TMEM232: variants seen among roughly 807,000 people sequenced by gnomAD.
TMEM232 encodes transmembrane protein 232.
In TMEM232, 80 loss-of-function variants were observed where a neutral mutation model predicts 78.8. That is an observed-to-expected ratio of 1.01 (90% CI 0.85 to 1.22). The LOEUF is 1.22. Ranked by LOEUF, TMEM232 falls within the 50% of genes most tolerant of loss-of-function variation. TMEM232 has a pLI of 0.00. For synonymous variants in TMEM232, 297 were observed against 254.3 expected (o/e 1.17, Z -1.60); for missense variants, 881 against 742.2 (o/e 1.19, Z -2.17).
chr5:110,554,923 T>C (rs1774897894), intron 11 of TMEM232, among the ~76,000 whole-genome samples: 1 of 152,188 alleles, frequency 6.6e-6, no homozygotes, highest in African/African-American at 2.4e-5. Context: ...CTATTCCTTC[T>C]AGGTTTTCTA....
chr5:110,700,899 A>G (rs921492384), intron 1 of TMEM232, among the ~76,000 whole-genome samples: 7 of 151,922 alleles, frequency 4.6e-5, no homozygotes, highest in African/African-American at 7.2e-5. Flanking sequence ...CACCTTTCCT[A>G]AAGAGCCTTC....
intron 2 of TMEM232, among the ~76,000 whole-genome samples, chr5:110,646,902 C>T (rs1277687177): frequency 2.0e-5 from 3 of 151,274 alleles, no homozygotes; most frequent in African/African-American, 7.3e-5. Context: ...CTCAAAAGAC[C>T]ACATACAGAT....
At chr5:110,642,205 T>C (rs927747670) in intron 3 of TMEM232, 55 bp downstream of exon 3, 38 of 1,079,374 alleles carry the variant, frequency 3.5e-5, no homozygotes, top group Non-Finnish European at 4.9e-5. Context: ...TGTGTAATCA[T>C]GTACCAACTA....
intron 11 of TMEM232, among the ~76,000 whole-genome samples, chr5:110,559,045 G>A (rs2149648818): frequency 6.6e-6 from 1 of 152,206 alleles, no homozygotes; most frequent in Non-Finnish European, 1.5e-5. Context: ...CCTTCTCAAT[G>A]GTCTAGTAAC....
At chr5:110,404,863 G>A (rs1755728259) in intron 2 of TMEM232, among the ~76,000 whole-genome samples, 1 of 151,986 alleles carries the variant, frequency 6.6e-6, no homozygotes, top group Non-Finnish European at 1.5e-5. Context: ...TGATGTTGAT[G>A]AAGAGACTCG....
At chr5:110,723,570 C>T (rs1281164808) in intron 1 of TMEM232, among the ~76,000 whole-genome samples, 1 of 152,086 alleles carries the variant, frequency 6.6e-6, no homozygotes, top group East Asian at 1.9e-4. Context: ...AGACTGTTAG[C>T]TATTAGCAAA....
At chr5:110,632,726 GA>G (rs879306987) in intron 5 of TMEM232, among the ~76,000 whole-genome samples, 1 of 151,328 alleles carries the variant, frequency 6.6e-6, no homozygotes, top group African/African-American at 2.4e-5. Flanking sequence ...TAATGAAAAA[GA>G]AAAAAAACAA....
intron 1 of TMEM232, among the ~76,000 whole-genome samples, chr5:110,718,320 T>C (rs546847041): frequency 6.6e-6 from 1 of 152,150 alleles, no homozygotes; most frequent in Non-Finnish European, 1.5e-5. Flanking sequence ...CCAGGATTAT[T>C]ATGAAGTTTT....
intron 1 of TMEM232, among the ~76,000 whole-genome samples, chr5:110,677,622 C>T (rs1482210021): frequency 1.3e-5 from 2 of 152,084 alleles, no homozygotes; most frequent in African/African-American, 2.4e-5. Flanking sequence ...AAGATTCACA[C>T]ATAAGGAGTT....
chr5:110,721,581 T>C (rs576609244), intron 1 of TMEM232, among the ~76,000 whole-genome samples: 1 of 146,392 alleles, frequency 6.8e-6, no homozygotes, highest in East Asian at 2.0e-4. Flanking sequence ...ATCTAGAATT[T>C]TGAATTTCAA....
chr5:110,442,956 A>C (rs1759229274), intron 12 of TMEM232, among the ~76,000 whole-genome samples: 1 of 152,138 alleles, frequency 6.6e-6, no homozygotes, highest in Admixed American at 6.6e-5. Flanking sequence ...CTCTGTGCTA[A>C]GGCACCTGGA....
At chr5:110,729,645 A>G (rs1183452156), upstream of TMEM232, among the ~76,000 whole-genome samples, 2 of 152,254 alleles carry the variant, frequency 1.3e-5, no homozygotes, top group Non-Finnish European at 2.9e-5. Context: ...TTTTTAGCAG[A>G]TAATATCAAG....
At chr5:110,454,127 A>G (rs994059596) in intron 12 of TMEM232, among the ~76,000 whole-genome samples, 4 of 152,194 alleles carry the variant, frequency 2.6e-5, no homozygotes, top group Non-Finnish European at 5.9e-5. Flanking sequence ...AAGGATATAG[A>G]AGCCTGAATC....
At chr5:110,399,506 T>G (rs1212102476) in intron 2 of TMEM232, among the ~76,000 whole-genome samples, 5 of 152,114 alleles carry the variant, frequency 3.3e-5, no homozygotes, top group African/African-American at 1.2e-4. Flanking sequence ...ATTTCTTTTT[T>G]TAAAAGGCCT....
chr5:110,432,555 C>T (rs1757976323), intron 12 of TMEM232, among the ~76,000 whole-genome samples: 2 of 151,638 alleles, frequency 1.3e-5, no homozygotes. Flanking sequence ...ACGGTCCCTA[C>T]AAAGCAAGTA....
chr5:110,735,500 T>A (rs904894238), intron 1 of TMEM232, among the ~76,000 whole-genome samples: 8 of 152,218 alleles, frequency 5.3e-5, no homozygotes, highest in Admixed American at 5.2e-4. Context: ...TTTTGGTGCC[T>A]AATAATATCC....
At position 110,626,774 on chromosome 5, in the gene TMEM232, T is replaced by C. The variant is rs1784478942; in HGVS notation, c.601+1007A>G. 2.0e-5 allele frequency among the ~76,000 whole-genome samples: 3 copies of C among 152,098 alleles called. No individual in the cohort carries two copies. In the South Asian group the frequency reaches 6.2e-4, roughly 32 times the overall value. On this transcript the variant is annotated intron_variant, in intron 6 of 13. Coordinates refer to ENST00000455884, the MANE Select transcript of TMEM232 (RefSeq NM_001039763.4). The stretch of plus-strand genomic sequence containing the variant: ...AAGATCAGCAGTGATTTTCTGATTG[T>C]AGAAACTCATCATTTTTCAGACCTT...
chr5:110,594,619 G>A (rs377177579), intron 10 of TMEM232, among the ~76,000 whole-genome samples: 7 of 152,212 alleles, frequency 4.6e-5, no homozygotes, highest in East Asian at 1.9e-4. Flanking sequence ...AGCTTCATGC[G>A]GGAAGGGGCT....
intron 5 of TMEM232, among the ~76,000 whole-genome samples, chr5:110,631,893 C>A (rs1160342363): frequency 6.6e-6 from 1 of 152,024 alleles, no homozygotes; most frequent in Non-Finnish European, 1.5e-5. Flanking sequence ...CCTGGTCCAC[C>A]ACTGTCACTA....
Sources: gnomAD v4.1 joint callset for allele counts (sites outside exome capture counted in the v4.1 genomes callset) on GRCh38, gnomAD v4.1.1 for gene constraint, MANE v1.5 for transcripts, NCBI Gene and HGNC (gene_info 2026-07-23, HGNC 2026-07-21) for gene names.